Variants in DACH1 observed in about 807,000 individuals in gnomAD.
DACH1 encodes dachshund family transcription factor 1.
A neutral mutation model predicts 54.2 loss-of-function variants in DACH1; 12 were observed. The observed-to-expected ratio is 0.22, with a 90% CI of 0.14 to 0.36. DACH1 has a LOEUF of 0.36. Among genes scored for constraint, DACH1 ranks in the 10% least tolerant of loss-of-function variants. DACH1 has a pLI of 1.00. For synonymous variants in DACH1, 386 were observed against 366.2 expected, an observed-to-expected ratio of 1.05 and a Z score of -0.62; for missense variants, 805 against 929.8, an observed-to-expected ratio of 0.87 and a Z score of 1.75.
intron 2 of DACH1, among the ~76,000 whole-genome samples, chr13:71,673,023 G>T (rs1220364262): frequency 6.6e-6 from 1 of 152,124 alleles, no homozygotes; most frequent in Admixed American, 6.5e-5. Context: ...ACTTCATTAT[G>T]GGAAATCTAC....
At chr13:71,766,556 T>C (rs562685583) in intron 1 of DACH1, among the ~76,000 whole-genome samples, 2 of 152,258 alleles carry the variant, frequency 1.3e-5, no homozygotes, top group East Asian at 3.9e-4. Flanking sequence ...TAGGGAATGT[T>C]TGGGCTTCCC....
chr13:71,810,926 A>G (rs2138150181), intron 1 of DACH1, among the ~76,000 whole-genome samples: 1 of 152,288 alleles, frequency 6.6e-6, no homozygotes, highest in East Asian at 1.9e-4. Flanking sequence ...TGTACTCATT[A>G]GTATAGATTA....
chr13:71,563,122 T>G (rs1488435470), intron 4 of DACH1, among the ~76,000 whole-genome samples: 1 of 152,072 alleles, frequency 6.6e-6, no homozygotes, highest in East Asian at 1.9e-4. Context: ...CTGTTAGCAC[T>G]TGGATTACAC....
At chr13:71,595,186 C>A (rs928610963) in intron 3 of DACH1, among the ~76,000 whole-genome samples, 3 of 151,860 alleles carry the variant, frequency 2.0e-5, no homozygotes, top group Admixed American at 1.3e-4. Context: ...CAGATGCATT[C>A]CTGGGATATT....
chr13:71,538,561 C>A (rs1882947201), intron 6 of DACH1, among the ~76,000 whole-genome samples: 1 of 152,044 alleles, frequency 6.6e-6, no homozygotes, highest in African/African-American at 2.4e-5. Flanking sequence ...ATTCCATTTA[C>A]ACGGTCACAA....
At chr13:71,841,622 T>C (rs1453857591) in intron 1 of DACH1, among the ~76,000 whole-genome samples, 1 of 152,170 alleles carries the variant, frequency 6.6e-6, no homozygotes, top group Non-Finnish European at 1.5e-5. Flanking sequence ...TTGATGGTGG[T>C]TGTCCCACTC....
intron 1 of DACH1, among the ~76,000 whole-genome samples, chr13:71,711,847 TA>T (rs940879876): frequency 5.3e-5 from 8 of 152,144 alleles, no homozygotes; most frequent in Non-Finnish European, 1.2e-4. Flanking sequence ...CTGACTCATT[TA>T]AATAGATACT....
At chr13:71,666,955 A>C (rs1350770765) in intron 2 of DACH1, among the ~76,000 whole-genome samples, 1 of 152,194 alleles carries the variant, frequency 6.6e-6, no homozygotes, top group Non-Finnish European at 1.5e-5. Flanking sequence ...CATCTTGGGC[A>C]ACAAGAGCAA....
At chr13:71,461,107 T>C (rs943834762) in intron 10 of DACH1, among the ~76,000 whole-genome samples, 1 of 152,094 alleles carries the variant, frequency 6.6e-6, no homozygotes, top group South Asian at 2.1e-4. Flanking sequence ...GCAATTTCTT[T>C]AAATGTTCTT....
intron 6 of DACH1, among the ~76,000 whole-genome samples, chr13:71,499,819 C>T (rs557788659): frequency 6.6e-6 from 1 of 152,236 alleles, no homozygotes; most frequent in Admixed American, 6.5e-5. Context: ...ATAGATTCTT[C>T]CTCATGTCAT....
At chr13:71,736,570 GA>G (rs1884128836) in intron 1 of DACH1, among the ~76,000 whole-genome samples, 1 of 152,156 alleles carries the variant, frequency 6.6e-6, no homozygotes, top group Non-Finnish European at 1.5e-5. Flanking sequence ...TTGGATGGCA[GA>G]AATGAAAAAG....
At chr13:71,828,446 A>G (rs1888463913) in intron 1 of DACH1, among the ~76,000 whole-genome samples, 1 of 152,012 alleles carries the variant, frequency 6.6e-6, no homozygotes, top group Non-Finnish European at 1.5e-5. Context: ...CACCCGTGCC[A>G]TCGACATCCA....
chr13:71,728,072 G>A (rs2137902854), intron 1 of DACH1, among the ~76,000 whole-genome samples: 1 of 152,036 alleles, frequency 6.6e-6, no homozygotes, highest in African/African-American at 2.4e-5. Context: ...GAATGTATCA[G>A]CACTCTCAAA....
chr13:71,684,181 C>T (rs1881045018), intron 1 of DACH1, among the ~76,000 whole-genome samples: 2 of 152,108 alleles, frequency 1.3e-5, no homozygotes, highest in Non-Finnish European at 2.9e-5. Flanking sequence ...TCTTCCAAGA[C>T]ACACATTCAA....
At chr13:71,509,399 G>GA (rs1041318891) in intron 6 of DACH1, among the ~76,000 whole-genome samples, 2 of 151,982 alleles carry the variant, frequency 1.3e-5, no homozygotes, top group South Asian at 2.1e-4. Flanking sequence ...ATAACTAGTA[G>GA]AAAAAATTAG....
At chr13:71,599,988 T>C (rs2138487620) in intron 3 of DACH1, among the ~76,000 whole-genome samples, 1 of 152,182 alleles carries the variant, frequency 6.6e-6, no homozygotes, top group South Asian at 2.1e-4. Flanking sequence ...TATCAAATCA[T>C]AGTCCCTGGT....
chr13:71,502,124 A>G (rs930244634), intron 6 of DACH1, among the ~76,000 whole-genome samples: 7 of 152,184 alleles, frequency 4.6e-5, no homozygotes, highest in African/African-American at 1.4e-4. Flanking sequence ...ATATAATTGT[A>G]TCTTGGAATA....
intron 1 of DACH1, among the ~76,000 whole-genome samples, chr13:71,849,507 T>C (rs1054495410): frequency 6.6e-6 from 1 of 152,206 alleles, no homozygotes; most frequent in Non-Finnish European, 1.5e-5. Context: ...TCAATGTGAT[T>C]TATTAGCTAA....
intron 2 of DACH1, among the ~76,000 whole-genome samples, chr13:71,647,932 G>A (rs545028435): frequency 6.6e-6 from 1 of 152,318 alleles, no homozygotes; most frequent in East Asian, 1.9e-4. Flanking sequence ...TAATATCATT[G>A]TTGTTTTCAA....
Sources: gnomAD v4.1 joint callset for allele counts (sites outside exome capture counted in the v4.1 genomes callset) on GRCh38, gnomAD v4.1.1 for gene constraint, MANE v1.5 for transcripts, NCBI Gene and HGNC (gene_info 2026-07-23, HGNC 2026-07-21) for gene names.